NAA60: variants seen among roughly 807,000 people sequenced by gnomAD.
NAA60 encodes N-alpha-acetyltransferase 60, NatF catalytic subunit, also known as N-alpha-acetyltransferase 60.
NAA60 carries 8 observed loss-of-function variants against 26.1 expected under a neutral mutation model. That is an observed-to-expected ratio of 0.31 (90% CI 0.18 to 0.55). NAA60 has a LOEUF of 0.55. Among genes scored for constraint, NAA60 ranks in the 20% least tolerant of loss-of-function variants. NAA60 has a pLI of 0.93. For missense variants in NAA60, 290 were observed against 311.3 expected, an observed-to-expected ratio of 0.93 and a Z score of 0.51; for synonymous variants, 131 against 122.5, an observed-to-expected ratio of 1.07 and a Z score of -0.46.
chr16:3,460,547 G>C (rs1357766212), intron 2 of NAA60, among the ~76,000 whole-genome samples: 3 of 152,046 alleles, frequency 2.0e-5, no homozygotes, highest in African/African-American at 7.2e-5. Context: ...TGTATTTTTG[G>C]TGGAGACGGG....
intron 6 of NAA60, 114 bp from the exon 7 acceptor site, chr16:3,484,585 A>C: frequency 7.2e-7 from 1 of 1,396,374 alleles, no homozygotes; most frequent in Non-Finnish European, 9.7e-7. Flanking sequence ...TCAGCCTCCG[A>C]AGCCTGGCTT....
chr16:3,468,110 TC>T (rs1488883201), intron 2 of NAA60: 1 of 152,124 alleles, frequency 6.6e-6, no homozygotes. Context: ...CAAAGTTACA[TC>T]CTATGCAAAT....
At position 3,450,328 on chromosome 16, in the gene NAA60, C is replaced by G. The variant is rs138307733; in HGVS notation, c.-7+1788C>G. ...TTTGTTCATGATTTGTTTCTGGGAC[C>G]CTGGGAAAAATGTTCTCAGGGTCTG... On this transcript the variant is annotated intron_variant, in intron 2 of 7. Transcript: ENST00000407558. Among the ~76,000 whole-genome samples the G allele has an allele frequency of 1.4e-3, 208 of 152,164 alleles. 5 individuals carry two copies. In the East Asian group the frequency reaches 0.032, roughly 24 times the overall value.
chr16:3,447,157 T>C (rs898204780), intron 1 of NAA60, among the ~76,000 whole-genome samples: 1 of 152,206 alleles, frequency 6.6e-6, no homozygotes, highest in Non-Finnish European at 1.5e-5. Context: ...CTTAAGTATA[T>C]ATCTTTTCCC....
chr16:3,465,348 C>T (rs1014561098), intron 2 of NAA60, among the ~76,000 whole-genome samples: 2 of 151,652 alleles, frequency 1.3e-5, no homozygotes, highest in African/African-American at 4.8e-5. Flanking sequence ...CTTGGCAGCA[C>T]ATCTTCTGGT....
At chr16:3,470,982 T>A (rs2036099942) in intron 2 of NAA60, among the ~76,000 whole-genome samples, 1 of 145,906 alleles carries the variant, frequency 6.9e-6, no homozygotes, top group Admixed American at 6.8e-5. Context: ...TTAAATCGAG[T>A]GTAAAGAACT....
rs368820869 is a variant in NAA60 at position 3,483,566 on chromosome 16, A to G, written c.541A>G (p.Ile181Val). 2 of 1,612,666 alleles carry G rather than the reference A, an allele frequency of 1.2e-6. No homozygotes were observed. Reference protein sequence around the residue: ...LKDGFTYVLYINGGHPPWTIL... With the variant: ...LKDGFTYVLYVNGGHPPWTIL... ...AGATGGCTTCACCTATGTCCTCTAC[A>G]TCAACGGCGGCCACCCTCCCTGGAC... The change falls in exon 6 of 8, where the codon ATC becomes GTC. Residue 181 changes from isoleucine (I) to valine (V), a missense_variant. Ile to Val is a conservative substitution (Grantham distance 29, BLOSUM62 3). Coordinates refer to ENST00000407558, the MANE Select transcript of NAA60 (RefSeq NM_001083601.3).
At chr16:3,484,522 G>C (rs2037051699) in intron 6 of NAA60, 177 bp from the exon 7 acceptor site, 2 of 783,884 alleles carry the variant, frequency 2.6e-6, no homozygotes, top group African/African-American at 3.5e-5. Context: ...TTGCACAGCA[G>C]AGGCCACTTC....
Position 3,445,274 on chromosome 16 carries a change from C to CTTTTTTTTTTTTT in NAA60, c.-77+1438_-77+1439insTTTTTTTTTTTTT, listed in dbSNP as rs1452284919. The stretch of plus-strand genomic sequence containing the variant: ...CTTTCCCTTCTTGGTTTGTGCTTAT[C>CTTTTTTTTTTTTT]TCTTTTTTTTTTTTTTTTTTGAGAC... On this transcript the variant is annotated intron_variant, in intron 1 of 7. Transcript: ENST00000407558. Among the ~76,000 whole-genome samples, 4 of 125,532 alleles carry CTTTTTTTTTTTTT rather than the reference C, an allele frequency of 3.2e-5. 1 individual carries two copies. The highest frequency in any genetic ancestry group is 1.6e-5 in the Non-Finnish European group (1 of 61,858). 82.4% of individuals were successfully genotyped at this position (125,532 alleles called of 152,430 possible).
At chr16:3,445,745 C>T (rs1261679270) in intron 1 of NAA60, among the ~76,000 whole-genome samples, 1 of 151,916 alleles carries the variant, frequency 6.6e-6, no homozygotes, top group African/African-American at 2.4e-5. Context: ...TGAAATGAAG[C>T]ATGTGGTATT....
At chr16:3,459,006 G>A (rs1313965402) in intron 2 of NAA60, among the ~76,000 whole-genome samples, 1 of 152,194 alleles carries the variant, frequency 6.6e-6, no homozygotes, top group East Asian at 1.9e-4. Context: ...AGTAAACGTG[G>A]ACATTGGCCG....
intron 2 of NAA60, among the ~76,000 whole-genome samples, chr16:3,464,962 C>T (rs37767): frequency 0.13 from 20,118 of 152,122 alleles, 1,695 homozygotes; most frequent in Non-Finnish European, 0.19. Context: ...TCATTTCACC[C>T]CAATTTTCTA....
intron 2 of NAA60, among the ~76,000 whole-genome samples, chr16:3,463,140 G>A (rs2035518851): frequency 6.6e-6 from 1 of 152,060 alleles, no homozygotes; most frequent in Non-Finnish European, 1.5e-5. Context: ...CAGAGTCAGC[G>A]CTGAGTCTAT....
At chr16:3,476,134 C>G in intron 2 of NAA60, 88 bp from the exon 3 acceptor site, 1 of 978,122 alleles carries the variant, frequency 1.0e-6, no homozygotes, top group Non-Finnish European at 1.5e-6. Flanking sequence ...GGACATGCTC[C>G]GTGCTCTTCT....
chr16:3,473,011 CTGTTTTGTTT>C (rs34780561), intron 2 of NAA60, among the ~76,000 whole-genome samples: 7 of 150,996 alleles, frequency 4.6e-5, no homozygotes, highest in African/African-American at 1.2e-4. Flanking sequence ...TCTTTGTCAT[CTGTTTTGTTT>C]TGTTTTGTTT....
rs1027120293 is a variant in NAA60, at chr16:3,452,484, A to C, written c.-7+3944A>C. On this transcript the variant is annotated intron_variant, in intron 2 of 7. Coordinates refer to ENST00000407558, the MANE Select transcript of NAA60 (RefSeq NM_001083601.3). Reference sequence around the variant, plus strand: ...AGCCTGGGCAACATGGCGAAACTCTATCTCTACTAAAAATACAAAAAATTA... The same window carrying C: ...AGCCTGGGCAACATGGCGAAACTCTCTCTCTACTAAAAATACAAAAAATTA... Among the ~76,000 whole-genome samples, 7 of 145,440 alleles carry C rather than the reference A, an allele frequency of 4.8e-5. No individual in the cohort carries two copies. The East Asian group carries it at 1.0e-3, about 22-fold the overall frequency.
chr16:3,480,609 A>AG (rs1279174514), intron 4 of NAA60, among the ~76,000 whole-genome samples: 2 of 145,662 alleles, frequency 1.4e-5, no homozygotes, highest in African/African-American at 2.5e-5. Flanking sequence ...AAAAAAAAAA[A>AG]AAGAAGAAGA....
At chr16:3,479,807 C>T (rs1041890931) in intron 4 of NAA60, among the ~76,000 whole-genome samples, 2 of 152,086 alleles carry the variant, frequency 1.3e-5, no homozygotes, top group Admixed American at 6.6e-5. Flanking sequence ...GGCCTCCAGT[C>T]GTGCCCAGCA....
At chr16:3,459,944 AT>A (rs1165441943) in intron 2 of NAA60, among the ~76,000 whole-genome samples, 1 of 152,154 alleles carries the variant, frequency 6.6e-6, no homozygotes, top group Non-Finnish European at 1.5e-5. Context: ...ATGTGAGGAG[AT>A]TTGAATGATA....
Sources: allele counts gnomAD v4.1 joint callset (sites outside exome capture counted in the v4.1 genomes callset), GRCh38; gene constraint gnomAD v4.1.1; transcripts MANE v1.5; gene names NCBI Gene and HGNC (gene_info 2026-07-23, HGNC 2026-07-21).